ITSN1: variants seen among roughly 807,000 people sequenced by gnomAD.
The protein encoded by ITSN1 is intersectin-1.
ITSN1 carries 58 observed loss-of-function variants against 239.8 expected under a neutral mutation model. The observed-to-expected ratio is 0.24, with a 90% confidence interval of 0.20 to 0.30. The LOEUF is 0.30. ITSN1 is among the 10% of genes least tolerant of loss of function. ITSN1 has a pLI of 1.00. For synonymous variants in ITSN1, 780 were observed against 770.8 expected (o/e 1.01, Z -0.20); for missense variants, 1,558 against 2,103.3 (o/e 0.74, Z 5.07).
chr21:33,713,977 G>A (rs2092494549), intron 1 of ITSN1, among the ~76,000 whole-genome samples: 3 of 151,954 alleles, frequency 2.0e-5, no homozygotes. Context: ...TGGGACTACA[G>A]GCATGTGCCA....
intron 26 of ITSN1, among the ~76,000 whole-genome samples, chr21:33,827,199 A>G (rs543637431): frequency 2.0e-5 from 3 of 152,288 alleles, no homozygotes; most frequent in South Asian, 4.1e-4. Flanking sequence ...CAGGAGTTTA[A>G]GACCAGCCTG....
At chr21:33,860,076 G>T (rs895646145) in intron 31 of ITSN1, among the ~76,000 whole-genome samples, 6 of 152,294 alleles carry the variant, frequency 3.9e-5, no homozygotes, top group African/African-American at 1.4e-4. Flanking sequence ...GGAGGCCAAG[G>T]TGGGTGGATC....
At chr21:33,829,391 G>A in intron 26 of ITSN1, 1 of 526,876 alleles carries the variant, frequency 1.9e-6, no homozygotes, top group Non-Finnish European at 3.4e-6. Context: ...GGATGACAAG[G>A]GAGTCTGCAG....
At chr21:33,758,280 G>A (rs994593897) in intron 8 of ITSN1, among the ~76,000 whole-genome samples, 4 of 152,032 alleles carry the variant, frequency 2.6e-5, no homozygotes, top group Non-Finnish European at 5.9e-5. Flanking sequence ...GTGCCACCAT[G>A]CCCAGCTAAT....
chr21:33,758,419 T>C (rs1379913472), intron 8 of ITSN1, among the ~76,000 whole-genome samples: 1 of 152,222 alleles, frequency 6.6e-6, no homozygotes, highest in African/African-American at 2.4e-5. Context: ...CTGGCCTTAA[T>C]AGTGGCACTG....
Position 33,817,994 on chromosome 21 carries a change from T to C in ITSN1, c.2728-273T>C, listed in dbSNP as rs1482484298. On this transcript the variant is annotated intron_variant, in intron 22 of 39. Coordinates refer to ENST00000381318, the MANE Select transcript of ITSN1 (RefSeq NM_003024.3). ...ACACAGCCAGATGCAACAGAATAAT[T>C]GTGACCTCCTGGCTTTTTGAAATAG... The C allele has an allele frequency of 8.4e-6, 4 of 475,758 alleles. 1 individual carries two copies. Among genetic ancestry groups the C allele is most frequent in the Non-Finnish European group, 1.5e-5 (4 of 269,772 alleles). 29.5% of individuals were successfully genotyped at this position (475,758 alleles called of 1,614,324 possible).
chr21:33,767,904 T>C (rs994059491), intron 11 of ITSN1, 76 bp downstream of exon 11: 42 of 783,258 alleles, frequency 5.4e-5, no homozygotes, highest in African/African-American at 1.1e-4. Context: ...AAGACAAAGA[T>C]AGAGGTAAAC....
intron 1 of ITSN1, among the ~76,000 whole-genome samples, chr21:33,685,319 T>A (rs79865997): frequency 0.027 from 4,086 of 152,268 alleles, 67 homozygotes; most frequent in Non-Finnish European, 0.037. Flanking sequence ...TAGGGACGTA[T>A]TTGCAAGTTC....
chr21:33,706,548 G>C (rs1601750294), intron 1 of ITSN1, among the ~76,000 whole-genome samples: 1 of 149,804 alleles, frequency 6.7e-6, no homozygotes, highest in East Asian at 1.9e-4. Flanking sequence ...AAAGCATTTT[G>C]GATTCAACAT....
At chr21:33,852,134 C>T (rs1035699851) in intron 29 of ITSN1, among the ~76,000 whole-genome samples, 17 of 152,110 alleles carry the variant, frequency 1.1e-4, no homozygotes, top group African/African-American at 3.9e-4. Context: ...GTGTCTCTCC[C>T]AAGATTGTGA....
chr21:33,647,661 A>G (rs925296115), intron 1 of ITSN1, among the ~76,000 whole-genome samples: 2 of 151,788 alleles, frequency 1.3e-5, no homozygotes, highest in Non-Finnish European at 2.9e-5. Flanking sequence ...ATGCCTGGCT[A>G]ATGTTTGTAT....
At chr21:33,697,717 A>AT (rs1299732648) in intron 1 of ITSN1, among the ~76,000 whole-genome samples, 2 of 151,914 alleles carry the variant, frequency 1.3e-5, no homozygotes, top group African/African-American at 2.4e-5. Context: ...TTAGAGTTAT[A>AT]TTTTTTTTCC....
chr21:33,651,102 G>A (rs1169364684), intron 1 of ITSN1, among the ~76,000 whole-genome samples: 4 of 152,242 alleles, frequency 2.6e-5, no homozygotes, highest in Non-Finnish European at 5.9e-5. Flanking sequence ...AGGGTTATTT[G>A]TTGGTTTATT....
rs552077293 is a variant in ITSN1 at position 33,699,577 on chromosome 21, G to C, written c.-32-19220G>C. Among the ~76,000 whole-genome samples, 3 of 152,212 alleles carry C rather than the reference G, an allele frequency of 2.0e-5. No homozygotes were observed. The South Asian group carries it at 6.2e-4, about 32-fold the overall frequency. On this transcript the variant is annotated intron_variant, in intron 1 of 39. Coordinates refer to ENST00000381318, the MANE Select transcript of ITSN1 (RefSeq NM_003024.3). ...TCTACAAAAATACAAAAATTAGCCA[G>C]GTGTGGTGGTACACACCTATAGTCC...
chr21:33,670,094 G>A (rs2090173158), intron 1 of ITSN1, among the ~76,000 whole-genome samples: 1 of 152,146 alleles, frequency 6.6e-6, no homozygotes, highest in Non-Finnish European at 1.5e-5. Context: ...AGGTGCCGTG[G>A]CTCATGCCTG....
At position 33,882,362 on chromosome 21, in the gene ITSN1, C is replaced by G. The variant is rs1383898347; in HGVS notation, c.4461C>G (p.Leu1487=). ...ELYGFLFNDF[L]LLTQITKPLG... ...ATGGCTTCCTTTTCAACGACTTCCT[C>G]CTGCTGACTCAGATCACGAAGCCTT... The change falls in exon 35 of 40, where the codon CTC becomes CTG. Residue 1487 remains leucine, a synonymous_variant. Coordinates refer to ENST00000381318, the MANE Select transcript of ITSN1 (RefSeq NM_003024.3). The surrounding 1 kb of genome is among the most constrained non-coding windows in gnomAD (Gnocchi z 4.5). The G allele has an allele frequency of 1.2e-6, 2 of 1,614,104 alleles. No individual in the cohort carries two copies. Among genetic ancestry groups the G allele is most frequent in the Admixed American group, 3.3e-5 (2 of 60,002 alleles).
intron 6 of ITSN1, among the ~76,000 whole-genome samples, chr21:33,750,686 A>C (rs1412348225): frequency 6.6e-6 from 1 of 152,184 alleles, no homozygotes; most frequent in Non-Finnish European, 1.5e-5. Context: ...AGCCACTATG[A>C]ATTGCTAATA....
chr21:33,826,041 G>T (rs922303287), intron 25 of ITSN1, among the ~76,000 whole-genome samples: 1 of 152,204 alleles, frequency 6.6e-6, no homozygotes, highest in African/African-American at 2.4e-5. Context: ...TGTAACAACA[G>T]ATTCCGTTCT....
intron 8 of ITSN1, among the ~76,000 whole-genome samples, chr21:33,759,397 T>C (rs912859715): frequency 1.3e-5 from 2 of 152,218 alleles, no homozygotes; most frequent in Admixed American, 6.5e-5. Flanking sequence ...TCCCCTGATA[T>C]CCAGGTTTAG....
Sources: allele counts gnomAD v4.1 joint callset (sites outside exome capture counted in the v4.1 genomes callset), GRCh38; gene constraint gnomAD v4.1.1; non-coding constraint Gnocchi (gnomAD v3.1); transcripts MANE v1.5; gene names NCBI Gene and HGNC (gene_info 2026-07-23, HGNC 2026-07-21).